Variants in CACNA2D1 observed in about 807,000 individuals in gnomAD.
The protein encoded by CACNA2D1 is voltage-dependent calcium channel subunit alpha-2/delta-1.
Under a neutral mutation model 171.5 loss-of-function variants are expected in CACNA2D1, and 53 were observed. That is an observed-to-expected ratio of 0.31 (90% CI 0.25 to 0.39). The LOEUF (loss-of-function observed/expected upper bound fraction) is 0.39, where lower values mean the gene tolerates loss of function less well. Among genes scored for constraint, CACNA2D1 ranks in the 10% least tolerant of loss-of-function variants. The probability of loss-of-function intolerance (pLI) is 1.00; values close to 1 mark genes in which losing one functional copy is unlikely to be tolerated. For synonymous variants in CACNA2D1, 442 were observed against 443.1 expected (o/e 1.00, Z 0.03); for missense variants, 903 against 1,299.8 (o/e 0.69, Z 4.69).
chr7:82,065,953 T>C (rs1223201681), intron 8 of CACNA2D1, among the ~76,000 whole-genome samples: 1 of 152,320 alleles, frequency 6.6e-6, no homozygotes, highest in South Asian at 2.1e-4. Context: ...TTGGTATTTT[T>C]CCAGTTTTAT....
rs1036656798 is a variant in CACNA2D1, at chr7:82,099,748, C to T, written c.527-14848G>A. ...ACAGGCGTGAGCCACCGCGCCCGGC[C>T]GCAATACCTTCTTAAACAGGAAGGT... On this transcript the variant is annotated intron_variant, in intron 6 of 38. Coordinates refer to ENST00000356860, the MANE Select transcript of CACNA2D1 (RefSeq NM_000722.4). 3.5e-5 allele frequency among the ~76,000 whole-genome samples: 2 copies of T among 57,728 alleles called. 1 individual carries two copies. Among genetic ancestry groups the T allele is most frequent in the Middle Eastern group, 0.014 (2 of 146 alleles). The allele number at this position is 57,728 out of a possible 152,430, so 37.9% of individuals were successfully genotyped here.
At chr7:82,047,540 A>G (rs1025498268) in intron 10 of CACNA2D1, among the ~76,000 whole-genome samples, 1 of 152,170 alleles carries the variant, frequency 6.6e-6, no homozygotes, top group Non-Finnish European at 1.5e-5. Context: ...CTGGCCACAT[A>G]AGAACACAAA....
chr7:82,335,236 G>T lies in CACNA2D1; in HGVS notation c.193C>A (p.Gln65Lys). 1 of 1,598,864 alleles carries T rather than the reference G, an allele frequency of 6.3e-7. No homozygotes were observed. Among genetic ancestry groups the T allele is most frequent in the Admixed American group, 1.7e-5 (1 of 59,788 alleles). The change falls in exon 3 of 39, where the codon CAA (glutamine) becomes AAA (lysine). Residue 65 changes from glutamine to lysine, a missense_variant. By Grantham distance (53) the Gln-to-Lys change is moderately conservative. Around this residue, in one of 5 missense-constraint regions of CACNA2D1, gnomAD observed 189 missense variants for 266.8 expected, o/e 0.71. Coordinates refer to ENST00000356860, the MANE Select transcript of CACNA2D1 (RefSeq NM_000722.4). Reference protein sequence around the residue: ...NQLVDIYEKYQDLYTVEPNNA... With the variant: ...NQLVDIYEKYKDLYTVEPNNA... The stretch of plus-strand genomic sequence containing the variant: ...TTTGGTTCCACAGTATACAAATCTT[G>T]ATATTTCTCATAAATCTGTGTGAAA...
At position 82,066,532 on chromosome 7, in the gene CACNA2D1, A is replaced by G; in HGVS notation, c.659-8T>C. ...TATCAACCCATGGTGAAGCTAAAAAAAAAAAAAAAAGAGAGATATTAAATC... is the reference window on the plus strand; with the variant it reads ...TATCAACCCATGGTGAAGCTAAAAAGAAAAAAAAAAGAGAGATATTAAATC... On this transcript the variant is annotated splice_region_variant and splice_polypyrimidine_tract_variant and intron_variant, in intron 7 of 38. Transcript: ENST00000356860. The G allele has an allele frequency of 6.3e-7, 1 of 1,591,520 alleles. No individual in the cohort carries two copies. The highest frequency in any genetic ancestry group is 8.5e-7 in the Non-Finnish European group (1 of 1,172,118).
At chr7:82,061,956 A>G (rs2128977235) in intron 9 of CACNA2D1, among the ~76,000 whole-genome samples, 1 of 152,286 alleles carries the variant, frequency 6.6e-6, no homozygotes, top group South Asian at 2.1e-4. Flanking sequence ...GTTCTAGAAT[A>G]GTGATGTTAT....
chr7:82,365,453 A>AT (rs150552512), intron 1 of CACNA2D1, among the ~76,000 whole-genome samples: 1,813 of 152,306 alleles, frequency 0.012, 18 homozygotes, highest in Middle Eastern at 0.024. Context: ...AGAAGAAAGT[A>AT]TTTTTGTTTA....
chr7:82,389,044 A>T (rs111762261), intron 1 of CACNA2D1, among the ~76,000 whole-genome samples: 1 of 151,314 alleles, frequency 6.6e-6, no homozygotes, highest in African/African-American at 2.4e-5. Flanking sequence ...TTAACCTGGG[A>T]GGTGGAGGTT....
chr7:82,214,810 A>C (rs562261228), intron 3 of CACNA2D1, among the ~76,000 whole-genome samples: 148 of 152,342 alleles, frequency 9.7e-4, no homozygotes, highest in African/African-American at 3.3e-3. Flanking sequence ...GTGACCAAAA[A>C]TAATTTACAA....
At chr7:82,178,647 G>T (rs1796803192) in intron 3 of CACNA2D1, among the ~76,000 whole-genome samples, 1 of 152,046 alleles carries the variant, frequency 6.6e-6, no homozygotes, top group African/African-American at 2.4e-5. Flanking sequence ...CTTCTAGAGG[G>T]TAATATTTTG....
chr7:82,125,614 G>C (rs968634957), intron 5 of CACNA2D1, among the ~76,000 whole-genome samples: 3 of 151,928 alleles, frequency 2.0e-5, no homozygotes, highest in African/African-American at 7.3e-5. Flanking sequence ...ATGATGGCAA[G>C]TGCCCGTAGT....
chr7:82,202,506 T>C (rs569859697), intron 3 of CACNA2D1, among the ~76,000 whole-genome samples: 1 of 152,024 alleles, frequency 6.6e-6, no homozygotes, highest in East Asian at 1.9e-4. Flanking sequence ...AGTAGATGGG[T>C]CCCCCGTGAG....
In CACNA2D1 at chr7:81,961,933, T is replaced by C. The variant is rs1464528619; in HGVS notation, c.2927A>G (p.Lys976Arg). 3 of 1,610,998 alleles carry C rather than the reference T, an allele frequency of 1.9e-6. No individual in the cohort carries two copies. The highest frequency in any genetic ancestry group is 3.3e-5 in the Admixed American group (2 of 59,842). The change falls in exon 36 of 39, where the codon AAA becomes AGA. Residue 976 changes from lysine (K) to arginine (R), a missense_variant. Coordinates refer to ENST00000356860, the MANE Select transcript of CACNA2D1 (RefSeq NM_000722.4). ...ACAGTCTAATACACCACTGAATGAT[T>C]TACTGTCGTTATCGAAGAAATACTG... ...QTQYFFDNDS[K>R]SFSGVLDCGN...
intron 27 of CACNA2D1, 24 bp from the exon 28 acceptor site, chr7:81,970,008 T>C: frequency 7.5e-7 from 1 of 1,339,426 alleles, no homozygotes; most frequent in Non-Finnish European, 1.1e-6. Flanking sequence ...GGCTCATCAT[T>C]TGTATTCTTT....
At chr7:82,300,672 G>C (rs548500847) in intron 3 of CACNA2D1, among the ~76,000 whole-genome samples, 1 of 151,984 alleles carries the variant, frequency 6.6e-6, no homozygotes, top group Non-Finnish European at 1.5e-5. Flanking sequence ...AAGGAAGAAG[G>C]CTTCTTAAAT....
chr7:82,108,704 G>T (rs1038696462), intron 6 of CACNA2D1, among the ~76,000 whole-genome samples: 3 of 152,066 alleles, frequency 2.0e-5, no homozygotes, highest in Non-Finnish European at 2.9e-5. Context: ...ATAGTATATT[G>T]TTCTCTATGA....
At chr7:82,022,848 ATTCT>A (rs1467456243) in intron 12 of CACNA2D1, among the ~76,000 whole-genome samples, 2 of 151,902 alleles carry the variant, frequency 1.3e-5, no homozygotes, top group Non-Finnish European at 2.9e-5. Flanking sequence ...TTAGATGTGC[ATTCT>A]TTATTTTGAA....
rs560358059 is a variant in CACNA2D1, at chr7:81,971,912, GATC to G, written c.2054-51_2054-49del. On this transcript the variant is annotated intron_variant, in intron 25 of 38. Transcript: ENST00000356860. ...GTTACACTCACATTTCTAAAATTAT[GATC>G]ATAATGAAAAATATATTTTCTATTT... The G allele has an allele frequency of 9.0e-4, 1,045 of 1,156,102 alleles. 6 individuals are homozygous for G. In the African/African-American group the frequency reaches 0.012, roughly 14 times the overall value. The allele number at this position is 1,156,102 out of a possible 1,614,324, so 71.6% of individuals were successfully genotyped here. A position where few individuals can be genotyped will look rare whatever the true frequency, so the allele number is the denominator to read the frequency against.
intron 3 of CACNA2D1, among the ~76,000 whole-genome samples, chr7:82,209,714 G>T (rs118002694): frequency 6.6e-6 from 1 of 151,978 alleles, no homozygotes; most frequent in Non-Finnish European, 1.5e-5. Context: ...ACAAAAACAC[G>T]CATTTTTCTG....
At chr7:82,064,220 C>A (rs1807323184) in intron 9 of CACNA2D1, 84 bp downstream of exon 9, 3 of 904,450 alleles carry the variant, frequency 3.3e-6, no homozygotes, top group Non-Finnish European at 5.3e-6. Context: ...ACCTATCAAA[C>A]CTTTCTTAGT....
Sources: gnomAD v4.1 joint callset for allele counts (sites outside exome capture counted in the v4.1 genomes callset) on GRCh38, gnomAD v4.1.1 for gene constraint, gnomAD v4.1.1 regional missense constraint, MANE v1.5 for transcripts, NCBI Gene and HGNC (gene_info 2026-07-23, HGNC 2026-07-21) for gene names.